The following PIP4K2A variants were observed in gnomAD, a reference collection of about 807,000 sequenced individuals.
PIP4K2A encodes phosphatidylinositol 5-phosphate 4-kinase type-2 alpha.
In PIP4K2A, 14 loss-of-function variants were observed where a neutral mutation model predicts 42.9. The ratio of observed to expected loss-of-function variants is 0.33; its 90% confidence interval spans 0.22 to 0.51. The LOEUF (loss-of-function observed/expected upper bound fraction) is 0.51, where lower values mean the gene tolerates loss of function less well. PIP4K2A is among the 20% of genes least tolerant of loss of function. The pLI is 0.97. For missense variants in PIP4K2A, 434 were observed against 519.8 expected (o/e 0.83, Z 1.61); for synonymous variants, 192 against 192.2 (o/e 1.00, Z 0.01).
chr10:22,591,506 G>T lies in PIP4K2A; in HGVS notation c.492+123C>A, dbSNP rs1029350993. 6 of 740,592 alleles carry T rather than the reference G, an allele frequency of 8.1e-6. No individual in the cohort carries two copies. In the African/African-American group the frequency reaches 1.1e-4, roughly 13 times the overall value. 45.9% of individuals were successfully genotyped at this position (740,592 alleles called of 1,614,324 possible). On this transcript the variant is annotated intron_variant, in intron 4 of 9. Transcript: ENST00000376573. ...AATTTTAGAACACAGGGTTAGAGGA[G>T]ATGTTTATGTGAAATGTGTTCTTCT... is the stretch of plus-strand genomic sequence containing the variant.
chr10:22,684,579 C>G (rs747746492), intron 1 of PIP4K2A, among the ~76,000 whole-genome samples: 2 of 152,178 alleles, frequency 1.3e-5, no homozygotes, highest in Non-Finnish European at 2.9e-5. Context: ...ACAAAACATT[C>G]TATTAGTGAA....
intron 1 of PIP4K2A, among the ~76,000 whole-genome samples, chr10:22,623,857 C>G (rs529019483): frequency 1.3e-5 from 2 of 152,282 alleles, no homozygotes; most frequent in Middle Eastern, 3.4e-3. Context: ...GCCCTGAGCT[C>G]CCAGGGTTCT....
intron 9 of PIP4K2A, among the ~76,000 whole-genome samples, chr10:22,539,264 GA>G (rs891580076): frequency 2.0e-5 from 3 of 152,296 alleles, no homozygotes; most frequent in African/African-American, 7.2e-5. Flanking sequence ...AGTTACTCCT[GA>G]AGCTATTTTC....
chr10:22,684,383 G>C (rs1839720741), intron 1 of PIP4K2A, among the ~76,000 whole-genome samples: 1 of 152,096 alleles, frequency 6.6e-6, no homozygotes, highest in African/African-American at 2.4e-5. Context: ...TTTTGCCAAA[G>C]AAAGTTGTTT....
intron 1 of PIP4K2A, among the ~76,000 whole-genome samples, chr10:22,620,385 A>T (rs1357348777): frequency 6.6e-6 from 1 of 152,218 alleles, no homozygotes; most frequent in Non-Finnish European, 1.5e-5. Flanking sequence ...AACGTGGTCC[A>T]TTCAAAAGGG....
chr10:22,657,058 A>T (rs771912945), intron 1 of PIP4K2A, among the ~76,000 whole-genome samples: 80 of 152,204 alleles, frequency 5.3e-4, no homozygotes, highest in Admixed American at 1.1e-3. Context: ...TTCAGCATTT[A>T]ATGTACACTT....
At chr10:22,554,944 G>A (rs996828547) in intron 6 of PIP4K2A, among the ~76,000 whole-genome samples, 9 of 152,206 alleles carry the variant, frequency 5.9e-5, no homozygotes, top group African/African-American at 1.9e-4. Context: ...CACAGGCAGG[G>A]CTGTTTTCTC....
intron 6 of PIP4K2A, among the ~76,000 whole-genome samples, chr10:22,565,660 A>G (rs1836828921): frequency 6.6e-6 from 1 of 152,238 alleles, no homozygotes; most frequent in Non-Finnish European, 1.5e-5. Context: ...GATAACAGCA[A>G]TTGTTCAGGG....
At chr10:22,581,958 TAAAAG>T (rs1265540664) in intron 4 of PIP4K2A, among the ~76,000 whole-genome samples, 3 of 151,394 alleles carry the variant, frequency 2.0e-5, no homozygotes, top group South Asian at 2.1e-4. Context: ...CAAAAAAAAA[TAAAAG>T]AAATGAGCCA....
At chr10:22,699,096 T>A (rs1833654894) in intron 1 of PIP4K2A, among the ~76,000 whole-genome samples, 1 of 152,218 alleles carries the variant, frequency 6.6e-6, no homozygotes, top group Admixed American at 6.5e-5. Flanking sequence ...ATTTTTTTAA[T>A]GTCCCTAAAA....
intron 1 of PIP4K2A, among the ~76,000 whole-genome samples, chr10:22,653,952 C>T (rs1192860877): frequency 3.9e-5 from 6 of 152,174 alleles, no homozygotes; most frequent in East Asian, 3.8e-4. Flanking sequence ...ATCTGCAGAT[C>T]GGTGTTAATA....
chr10:22,623,231 A>G (rs976510118), intron 1 of PIP4K2A, among the ~76,000 whole-genome samples: 3 of 152,158 alleles, frequency 2.0e-5, no homozygotes, highest in Non-Finnish European at 4.4e-5. Context: ...AAAGCACAAA[A>G]AAAGCACAAA....
At chr10:22,631,992 C>G (rs1379148281) in intron 1 of PIP4K2A, among the ~76,000 whole-genome samples, 3 of 151,984 alleles carry the variant, frequency 2.0e-5, no homozygotes, top group African/African-American at 7.3e-5. Context: ...ATGGACACAA[C>G]ACTAACGCTC....
chr10:22,713,278 T>C (rs2130935845), intron 1 of PIP4K2A, among the ~76,000 whole-genome samples: 1 of 152,302 alleles, frequency 6.6e-6, no homozygotes, highest in African/African-American at 2.4e-5. Flanking sequence ...TCCCCGACTG[T>C]GCGTGACGCT....
intron 1 of PIP4K2A, among the ~76,000 whole-genome samples, chr10:22,692,504 T>C (rs184856230): frequency 6.6e-6 from 1 of 152,102 alleles, no homozygotes; most frequent in Non-Finnish European, 1.5e-5. Context: ...ATTTGAGAAC[T>C]AGGGCAGGGT....
In PIP4K2A at chr10:22,656,201, G is replaced by A. The variant is rs191193460; in HGVS notation, c.145-46484C>T. Among the ~76,000 whole-genome samples, 17 of 152,284 alleles carry A rather than the reference G, an allele frequency of 1.1e-4. No homozygotes were observed. In the South Asian group the frequency reaches 1.7e-3, roughly 15 times the overall value. Reference sequence around the variant, plus strand: ...TTCTGACTCCCGTGTGAGGGACACCGGCTGTTCCCGCTCCTCCACATCTAC... The same window carrying A: ...TTCTGACTCCCGTGTGAGGGACACCAGCTGTTCCCGCTCCTCCACATCTAC... On this transcript the variant is annotated intron_variant, in intron 1 of 9. Transcript: ENST00000376573.
intron 1 of PIP4K2A, among the ~76,000 whole-genome samples, chr10:22,695,101 C>G (rs1588711915): frequency 6.6e-6 from 1 of 152,144 alleles, no homozygotes; most frequent in Admixed American, 6.6e-5. Context: ...AAAATATTCA[C>G]CATTTTTAAA....
intron 4 of PIP4K2A, among the ~76,000 whole-genome samples, chr10:22,583,927 G>A (rs762973049): frequency 7.9e-5 from 12 of 152,262 alleles, no homozygotes; most frequent in Non-Finnish European, 1.6e-4. Flanking sequence ...GCCTCTAGGG[G>A]CATGTTCCAT....
At chr10:22,654,061 G>A (rs1040782082) in intron 1 of PIP4K2A, among the ~76,000 whole-genome samples, 3 of 152,146 alleles carry the variant, frequency 2.0e-5, no homozygotes, top group Admixed American at 2.0e-4. Flanking sequence ...ATGGGGCTTA[G>A]ATTTAATAAA....
Sources: allele counts gnomAD v4.1 joint callset (sites outside exome capture counted in the v4.1 genomes callset), GRCh38; gene constraint gnomAD v4.1.1; transcripts MANE v1.5; gene names NCBI Gene and HGNC (gene_info 2026-07-23, HGNC 2026-07-21).